Variants in RSF1 observed in about 807,000 individuals in gnomAD.
RSF1 encodes the protein HBV pX-associated protein 8.
Under a neutral mutation model 145.2 loss-of-function variants are expected in RSF1, and 13 were observed. The observed-to-expected ratio is 0.09, with a 90% confidence interval of 0.06 to 0.14. The LOEUF is 0.14. RSF1 is among the 10% of genes least tolerant of loss of function. The pLI, the probability that RSF1 is intolerant of heterozygous loss-of-function variation, is 1.00. For missense variants in RSF1, 1,517 were observed against 1,718.2 expected, an observed-to-expected ratio of 0.88 and a Z score of 2.07; for synonymous variants, 577 against 592.6, an observed-to-expected ratio of 0.97 and a Z score of 0.38.
chr11:77,738,397 C>T (rs950546932), intron 4 of RSF1, among the ~76,000 whole-genome samples: 2 of 152,100 alleles, frequency 1.3e-5, no homozygotes, highest in African/African-American at 2.4e-5. Flanking sequence ...ATTAAAACTA[C>T]AGTATAACAA....
chr11:77,744,036 A>C (rs1392930215), intron 3 of RSF1, among the ~76,000 whole-genome samples: 1 of 152,024 alleles, frequency 6.6e-6, no homozygotes, highest in Non-Finnish European at 1.5e-5. Context: ...TAATTAATTA[A>C]TTAATTTTTT....
intron 2 of RSF1, among the ~76,000 whole-genome samples, chr11:77,752,603 T>C (rs1011130818): frequency 3.3e-5 from 5 of 152,122 alleles, no homozygotes; most frequent in African/African-American, 9.7e-5. Context: ...CTATTAAACT[T>C]CCACTCTTAA....
At chr11:77,730,933 G>A (rs997238379) in intron 4 of RSF1, among the ~76,000 whole-genome samples, 2 of 152,180 alleles carry the variant, frequency 1.3e-5, no homozygotes, top group Non-Finnish European at 2.9e-5. Flanking sequence ...TCAGCAGCAT[G>A]AAAACGGACT....
intron 1 of RSF1, among the ~76,000 whole-genome samples, chr11:77,810,007 C>T (rs1233382690): frequency 6.6e-6 from 1 of 152,174 alleles, no homozygotes; most frequent in African/African-American, 2.4e-5. Context: ...GCTTCATAAC[C>T]AGTACTGCAC....
intron 1 of RSF1, among the ~76,000 whole-genome samples, chr11:77,766,847 T>C (rs1441640916): frequency 6.6e-6 from 1 of 152,200 alleles, no homozygotes; most frequent in Non-Finnish European, 1.5e-5. Context: ...TTTTTTGTTT[T>C]AGGAGGTGGG....
chr11:77,862,823 G>A, the RSF1 span, among the ~76,000 whole-genome samples: 3 of 152,178 alleles, frequency 2.0e-5, no homozygotes, highest in Non-Finnish European at 2.9e-5. Flanking sequence ...CCCTTGAAGA[G>A]GATATCATGG....
At chr11:77,823,553 G>C (rs540257249), upstream of RSF1, among the ~76,000 whole-genome samples, 9 of 140,336 alleles carry the variant, frequency 6.4e-5, no homozygotes, top group Non-Finnish European at 1.4e-4. Flanking sequence ...AAGGTAGTGA[G>C]ACCTCATCTG....
chr11:77,792,482 A>C (rs1304668476), intron 1 of RSF1, among the ~76,000 whole-genome samples: 1 of 152,184 alleles, frequency 6.6e-6, no homozygotes, highest in Non-Finnish European at 1.5e-5. Flanking sequence ...CCTGGGACCA[A>C]AGACAGGTAT....
At chr11:77,700,349 C>CCAAAA (rs751077183) in intron 6 of RSF1, among the ~76,000 whole-genome samples, 4 of 47,206 alleles carry the variant, frequency 8.5e-5, no homozygotes, top group African/African-American at 3.1e-4. Flanking sequence ...GACTGTCTCA[C>CCAAAA]AAAAAAAAAA....
chr11:77,826,976 A>G, the RSF1 span, among the ~76,000 whole-genome samples: 2 of 152,042 alleles, frequency 1.3e-5, no homozygotes, highest in Non-Finnish European at 2.9e-5. Flanking sequence ...GTGGTGGCAC[A>G]CACCCGTCGT....
At chr11:77,823,619 CTCAA>C (rs1949037339), upstream of RSF1, among the ~76,000 whole-genome samples, 1 of 56,646 alleles carries the variant, frequency 1.8e-5, no homozygotes. Context: ...TACACCCTGT[CTCAA>C]AAAAAAAAAA....
At chr11:77,852,904 C>A in the RSF1 span, among the ~76,000 whole-genome samples, 1 of 152,036 alleles carries the variant, frequency 6.6e-6, no homozygotes, top group Non-Finnish European at 1.5e-5. Context: ...TAGTAACCAA[C>A]TTTGTGAATG....
intron 4 of RSF1, among the ~76,000 whole-genome samples, chr11:77,734,014 C>T (rs937274421): frequency 3.3e-5 from 5 of 152,046 alleles, no homozygotes; most frequent in African/African-American, 9.7e-5. Flanking sequence ...GCTTTTGTGG[C>T]AATTCTGTTT....
rs539707164 is a variant in RSF1, at chr11:77,700,572, G to A, written c.2508+149C>T. 20 of 574,492 alleles carry A rather than the reference G, an allele frequency of 3.5e-5. No homozygotes were observed. In the East Asian group the frequency reaches 4.8e-4, roughly 14 times the overall value. The allele number at this position is 574,492 out of a possible 1,614,324, so 35.6% of individuals were successfully genotyped here. ...AAGATGACAAGAGTATAGAGTATAA[G>A]TAAGAGTATAAAGTCTGAAAAGGTA... On this transcript the variant is annotated intron_variant, in intron 6 of 15. Coordinates refer to ENST00000308488, the MANE Select transcript of RSF1 (RefSeq NM_016578.4).
In RSF1 at chr11:77,702,148, GAGA is replaced by G. The variant is rs763291250; in HGVS notation, c.1078_1080del (p.Ser360del). ...TCAGTAGATTTCTCAGTAATTTCGT[GAGA>G]AGATTTAATATTGCCACCAAATTCG... On this transcript the variant is annotated inframe_deletion, in exon 6 of 16. Transcript: ENST00000308488. 23 of 1,613,840 alleles carry G rather than the reference GAGA, an allele frequency of 1.4e-5. 1 individual carries two copies. The highest frequency in any genetic ancestry group is 1.6e-5 in the Non-Finnish European group (19 of 1,179,872).
intron 5 of RSF1, among the ~76,000 whole-genome samples, chr11:77,711,877 T>C (rs909304367): frequency 2.0e-5 from 3 of 152,186 alleles, no homozygotes; most frequent in African/African-American, 4.8e-5. Context: ...ATTCTTTTTT[T>C]CCTTGGTCTC....
At chr11:77,784,784 G>A (rs1948438055) in intron 1 of RSF1, among the ~76,000 whole-genome samples, 1 of 152,120 alleles carries the variant, frequency 6.6e-6, no homozygotes, top group Non-Finnish European at 1.5e-5. Flanking sequence ...TTTCACTCTG[G>A]TCAGAGTTCA....
At chr11:77,856,255 T>C in the RSF1 span, among the ~76,000 whole-genome samples, 2 of 152,244 alleles carry the variant, frequency 1.3e-5, no homozygotes, top group Non-Finnish European at 2.9e-5. Context: ...TTTACACTAG[T>C]TGCCAATAAG....
At chr11:77,834,310 A>G in the RSF1 span, among the ~76,000 whole-genome samples, 2 of 152,310 alleles carry the variant, frequency 1.3e-5, no homozygotes, top group African/African-American at 4.8e-5. Context: ...AGAAGATGCA[A>G]AGTTTCTACA....
Sources: allele counts gnomAD v4.1 joint callset (sites outside exome capture counted in the v4.1 genomes callset), GRCh38; gene constraint gnomAD v4.1.1; transcripts MANE v1.5; gene names NCBI Gene and HGNC (gene_info 2026-07-23, HGNC 2026-07-21).